Variants in PILRB observed in about 807,000 individuals in gnomAD.
The protein encoded by PILRB is paired immunoglobulin-like type 2 receptor beta.
A neutral mutation model predicts 20.5 loss-of-function variants in PILRB; 21 were observed. The ratio of observed to expected loss-of-function variants is 1.02; its 90% CI spans 0.72 to 1.47. The LOEUF (loss-of-function observed/expected upper bound fraction) is 1.47. Ranked by LOEUF, PILRB falls within the 40% of genes most tolerant of loss-of-function variation. PILRB has a pLI of 0.00. For synonymous variants in PILRB, 133 were observed against 115.1 expected, an observed-to-expected ratio of 1.16 and a Z score of -0.99; for missense variants, 253 against 272.1, an observed-to-expected ratio of 0.93 and a Z score of 0.49.
At chr7:100,366,530 G>T (rs1005403410) in intron 3 of PILRB, among the ~76,000 whole-genome samples, 10 of 152,110 alleles carry the variant, frequency 6.6e-5, no homozygotes, top group Non-Finnish European at 1.3e-4. Flanking sequence ...GACAAGAGGG[G>T]CAGGGCACAG....
chr7:100,358,157 G>A lies in PILRB; in HGVS notation c.-146G>A. 1 of 843,908 alleles carries A rather than the reference G, an allele frequency of 1.2e-6. No individual in the cohort carries two copies. The highest frequency in any genetic ancestry group is 1.9e-6 in the Non-Finnish European group (1 of 515,822). 52.3% of individuals were successfully genotyped at this position (843,908 alleles called of 1,614,324 possible). Reference sequence around the variant, plus strand: ...CACCCTGGAGGTGTACTGGTTTGGGGAAGGTCCCCGGCCCCCACAGCCCTC... The same window carrying A: ...CACCCTGGAGGTGTACTGGTTTGGGAAAGGTCCCCGGCCCCCACAGCCCTC... On this transcript the variant is annotated 5_prime_UTR_variant, in exon 1 of 4. Transcript: ENST00000609309.
intron 1 of PILRB, 75 bp downstream of exon 1, chr7:100,358,441 C>G: frequency 1.3e-6 from 2 of 1,548,472 alleles, no homozygotes; most frequent in Non-Finnish European, 1.8e-6. Context: ...AAAGGCAGAA[C>G]ATCTGGGGCA....
rs2130132115 is a variant in PILRB, at chr7:100,367,531, C to T, written c.*154C>T. The T allele has an allele frequency of 1.6e-6, 1 of 642,444 alleles. No homozygotes were observed. Among genetic ancestry groups the T allele is most frequent in the Non-Finnish European group, 2.9e-6 (1 of 347,364 alleles). The allele number at this position is 642,444 out of a possible 1,614,324, so 39.8% of individuals were successfully genotyped here. ...GGCAAAGCCGCAAGGCAGAAGGAGG[C>T]TGGGTCCCTGAATCACCGACTGGAG... is the stretch of plus-strand genomic sequence containing the variant. On this transcript the variant is annotated 3_prime_UTR_variant, in exon 4 of 4. Coordinates refer to ENST00000609309, the MANE Select transcript of PILRB (RefSeq NM_178238.4).
In PILRB at chr7:100,359,594, C is replaced by T. The variant is rs1790471652; in HGVS notation, c.655+57C>T. 2.1e-6 allele frequency: 3 copies of T among 1,446,632 alleles called. No individual in the cohort carries two copies. The Admixed American group carries it at 5.2e-5, about 25-fold the overall frequency. 89.6% of individuals were successfully genotyped at this position (1,446,632 alleles called of 1,614,324 possible). A position where few individuals can be genotyped will look rare whatever the true frequency, so the allele number is the denominator to read the frequency against. On this transcript the variant is annotated intron_variant, in intron 3 of 3. Transcript: ENST00000609309. ...CTTCCCAGCTGGGGGTTTCTCTGAG[C>T]CCACCTGCAGCTAAGGGACTTCAGA...
intron 3 of PILRB, among the ~76,000 whole-genome samples, chr7:100,364,320 G>T (rs1790614672): frequency 6.6e-6 from 1 of 152,092 alleles, no homozygotes; most frequent in Non-Finnish European, 1.5e-5. Flanking sequence ...ACTCAAAATG[G>T]ATTAAAGACT....
intron 3 of PILRB, among the ~76,000 whole-genome samples, chr7:100,362,792 G>A (rs1003240406): frequency 6.6e-6 from 1 of 152,000 alleles, no homozygotes; most frequent in African/African-American, 2.4e-5. Context: ...TGCAGGCTGA[G>A]CCACGGTGCC....
intron 3 of PILRB, among the ~76,000 whole-genome samples, chr7:100,362,150 A>G (rs1351134167): frequency 6.6e-6 from 1 of 152,162 alleles, no homozygotes; most frequent in African/African-American, 2.4e-5. Flanking sequence ...AGGTTCAACA[A>G]GAGGTAGGGT....
rs1403070523 is a variant in PILRB, at chr7:100,358,301, C to G, written c.-2C>G. The G allele has an allele frequency of 3.0e-5, 49 of 1,612,662 alleles. No individual in the cohort carries two copies. The highest frequency in any genetic ancestry group is 4.0e-5 in the Non-Finnish European group (47 of 1,179,998). ...CCCCGTCCCCTGGAGAAGAACAAGG[C>G]CATGGGTCGGCCCCTGCTGCTGCCC... On this transcript the variant is annotated 5_prime_UTR_variant, in exon 1 of 4. Coordinates refer to ENST00000609309, the MANE Select transcript of PILRB (RefSeq NM_178238.4).
Position 100,367,521 on chromosome 7 carries a change from C to G in PILRB, c.*144C>G. Reference sequence around the variant, plus strand: ...ACCTTTAAAAGGCAAAGCCGCAAGGCAGAAGGAGGCTGGGTCCCTGAATCA... The same window carrying G: ...ACCTTTAAAAGGCAAAGCCGCAAGGGAGAAGGAGGCTGGGTCCCTGAATCA... On this transcript the variant is annotated 3_prime_UTR_variant, in exon 4 of 4. Coordinates refer to ENST00000609309, the MANE Select transcript of PILRB (RefSeq NM_178238.4). The G allele has an allele frequency of 1.5e-6, 1 of 660,998 alleles. No individual in the cohort carries two copies. Among genetic ancestry groups the G allele is most frequent in the Non-Finnish European group, 2.8e-6 (1 of 355,508 alleles). 40.9% of individuals were successfully genotyped at this position (660,998 alleles called of 1,614,324 possible). A position where few individuals can be genotyped will look rare whatever the true frequency, so the allele number is the denominator to read the frequency against.
At chr7:100,365,386 A>T (rs1205926318) in intron 3 of PILRB, among the ~76,000 whole-genome samples, 1 of 152,264 alleles carries the variant, frequency 6.6e-6, no homozygotes, top group East Asian at 1.9e-4. Context: ...TAAGCTAGTC[A>T]CAAAAAGATA....
rs1256799350 is a variant in PILRB at position 100,358,712 on chromosome 7, A to C, written c.87A>C (p.Pro29=). The C allele has an allele frequency of 6.2e-7, 1 of 1,613,820 alleles. No individual in the cohort carries two copies. Among genetic ancestry groups the C allele is most frequent in the South Asian group, 1.1e-5 (1 of 91,070 alleles). ...LQPGGSTGSG[P]SYLYGVTQPK... is the part of the protein sequence containing the mutation. ...TAGGTGGCTCCACAGGATCTGGTCC[A>C]AGCTACCTTTATGGGGTCACTCAAC... is the stretch of plus-strand genomic sequence containing the variant. The change falls in exon 2 of 4, where the codon CCA becomes CCC. Residue 29 remains proline, a synonymous_variant. Coordinates refer to ENST00000609309, the MANE Select transcript of PILRB (RefSeq NM_178238.4).
At chr7:100,363,316 T>G (rs550759779) in intron 3 of PILRB, among the ~76,000 whole-genome samples, 1 of 152,148 alleles carries the variant, frequency 6.6e-6, no homozygotes, top group Admixed American at 6.6e-5. Context: ...ATGAATGAAT[T>G]CAGCAAAGTT....
chr7:100,366,152 C>G (rs546228455), intron 3 of PILRB, among the ~76,000 whole-genome samples: 6 of 152,132 alleles, frequency 3.9e-5, no homozygotes, highest in African/African-American at 1.2e-4. Flanking sequence ...CAGGTTTTCA[C>G]CATATTGTTC....
rs1790729677 is a variant in PILRB, at chr7:100,367,434, C to T, written c.*57C>T. ...TAGCCCCGGAGGACGTGATGTGAGACCCGCTTGTGAGTCCTCCACACTCGT... is the reference window on the plus strand; with the variant it reads ...TAGCCCCGGAGGACGTGATGTGAGATCCGCTTGTGAGTCCTCCACACTCGT... On this transcript the variant is annotated 3_prime_UTR_variant, in exon 4 of 4. Transcript: ENST00000609309. The T allele has an allele frequency of 2.6e-6, 2 of 778,528 alleles. No homozygotes were observed. The highest frequency in any genetic ancestry group is 4.9e-5 in the East Asian group (2 of 41,146). The allele number at this position is 778,528 out of a possible 1,614,324, so 48.2% of individuals were successfully genotyped here.
intron 3 of PILRB, among the ~76,000 whole-genome samples, chr7:100,365,650 C>T (rs1395652257): frequency 1.3e-5 from 2 of 152,066 alleles, no homozygotes; most frequent in Non-Finnish European, 2.9e-5. Context: ...GAAACCCTGT[C>T]TCTACTAAAA....
chr7:100,359,638 G>T, intron 3 of PILRB, 101 bp downstream of exon 3: 2 of 1,036,866 alleles, frequency 1.9e-6, no homozygotes, highest in Non-Finnish European at 2.9e-6. Context: ...GACCCTGCTG[G>T]CTCCCCTCAA....
At chr7:100,362,601 C>T (rs188025903) in intron 3 of PILRB, among the ~76,000 whole-genome samples, 74 of 152,118 alleles carry the variant, frequency 4.9e-4, no homozygotes, top group African/African-American at 1.6e-3. Context: ...TTCTGCCTCC[C>T]GGGTTCAAGC....
chr7:100,359,666 C>T, intron 3 of PILRB, 129 bp downstream of exon 3: 1 of 762,548 alleles, frequency 1.3e-6, no homozygotes, highest in Non-Finnish European at 2.2e-6. Context: ...AAGGCCGACT[C>T]TGGCCTGTGC....
chr7:100,359,535 A>G lies in PILRB; in HGVS notation c.653A>G (p.Lys218Arg), dbSNP rs756158542. The G allele has an allele frequency of 5.0e-6, 8 of 1,613,588 alleles. No individual in the cohort carries two copies. The highest frequency in any genetic ancestry group is 1.7e-5 in the Admixed American group (1 of 59,994). ...CLLLLWWRRR[K>R]GSRAPSSDF is the part of the protein sequence containing the mutation. Reference sequence around the variant, plus strand: ...CTCCTCCTGTGGTGGAGGAGAAGGAAAGGTAAGTGCCCAGAACGCACTGTC... The same window carrying G: ...CTCCTCCTGTGGTGGAGGAGAAGGAGAGGTAAGTGCCCAGAACGCACTGTC... The change falls in exon 3 of 4, where the codon AAA (lysine) becomes AGA (arginine). Residue 218 changes from lysine to arginine, a missense_variant and splice_region_variant. Transcript: ENST00000609309.
Sources: allele counts gnomAD v4.1 joint callset (sites outside exome capture counted in the v4.1 genomes callset), GRCh38; gene constraint gnomAD v4.1.1; transcripts MANE v1.5; gene names NCBI Gene and HGNC (gene_info 2026-07-23, HGNC 2026-07-21).